The following NELL1 variants were observed in gnomAD, a reference collection of about 807,000 sequenced individuals.
NELL1 encodes protein kinase C-binding protein NELL1.
NELL1 carries 76 observed loss-of-function variants against 107.4 expected under a neutral mutation model. The observed-to-expected ratio is 0.71, with a 90% CI of 0.59 to 0.86. The LOEUF is 0.86. Ranked by LOEUF, NELL1 falls within the 40% of genes least tolerant of loss-of-function variation. The pLI is 0.00. For synonymous variants in NELL1, 353 were observed against 341.2 expected (o/e 1.03, Z -0.38); for missense variants, 1,024 against 1,005.5 (o/e 1.02, Z -0.25).
intron 15 of NELL1, among the ~76,000 whole-genome samples, chr11:21,415,245 A>G (rs115680872): frequency 2.0e-5 from 3 of 152,200 alleles, no homozygotes; most frequent in African/African-American, 7.2e-5. Context: ...GACCAGGGCC[A>G]TTAGAGAAAG....
At chr11:21,127,362 T>C (rs1855508838) in intron 13 of NELL1, among the ~76,000 whole-genome samples, 1 of 152,022 alleles carries the variant, frequency 6.6e-6, no homozygotes, top group Admixed American at 6.6e-5. Flanking sequence ...TTGGGTGGCC[T>C]AAGTGGGAGA....
chr11:21,223,209 T>C (rs1230617181), intron 13 of NELL1, among the ~76,000 whole-genome samples: 1 of 152,138 alleles, frequency 6.6e-6, no homozygotes, highest in South Asian at 2.1e-4. Context: ...TCTCTTCAGA[T>C]GTAGTAACAT....
chr11:20,830,682 CTCTTT>C (rs1857989809), intron 3 of NELL1, among the ~76,000 whole-genome samples: 1 of 152,194 alleles, frequency 6.6e-6, no homozygotes, highest in South Asian at 2.1e-4. Flanking sequence ...AAGAGGGGAA[CTCTTT>C]TCTTAAGAAT....
At chr11:20,932,119 G>A (rs1371039158) in intron 9 of NELL1, among the ~76,000 whole-genome samples, 2 of 152,020 alleles carry the variant, frequency 1.3e-5, no homozygotes, top group Admixed American at 1.3e-4. Context: ...CACTTGTTGG[G>A]TGTCTGCACT....
At chr11:21,175,693 A>G (rs578125291) in intron 13 of NELL1, among the ~76,000 whole-genome samples, 1 of 151,998 alleles carries the variant, frequency 6.6e-6, no homozygotes, top group South Asian at 2.1e-4. Flanking sequence ...CCGATGCTAC[A>G]GTATAGAAGA....
chr11:21,349,701 C>A (rs1850760237), intron 14 of NELL1, among the ~76,000 whole-genome samples: 1 of 151,730 alleles, frequency 6.6e-6, no homozygotes, highest in Non-Finnish European at 1.5e-5. Flanking sequence ...ATAGAGAGAC[C>A]TTTATATCTT....
intron 15 of NELL1, among the ~76,000 whole-genome samples, chr11:21,516,860 A>G (rs1855578849): frequency 6.6e-6 from 1 of 151,230 alleles, no homozygotes; most frequent in African/African-American, 2.4e-5. Context: ...GCTGAAGTGC[A>G]GTGGCATGAT....
chr11:21,376,332 A>G (rs1274094791), intron 15 of NELL1, among the ~76,000 whole-genome samples: 1 of 151,920 alleles, frequency 6.6e-6, no homozygotes, highest in Non-Finnish European at 1.5e-5. Flanking sequence ...TATTTTTGTC[A>G]ACTTTATTGA....
chr11:21,457,324 T>C (rs1853772122), intron 15 of NELL1, among the ~76,000 whole-genome samples: 1 of 152,212 alleles, frequency 6.6e-6, no homozygotes, highest in Admixed American at 6.5e-5. Flanking sequence ...CTTTGTAATC[T>C]AGAAGAAAAG....
intron 12 of NELL1, among the ~76,000 whole-genome samples, chr11:20,963,987 C>A (rs981843983): frequency 6.6e-6 from 1 of 152,026 alleles, no homozygotes; most frequent in East Asian, 1.9e-4. Context: ...TAGAAACTGC[C>A]GTAGAGAAGA....
chr11:20,849,697 G>A (rs1346690), intron 4 of NELL1, among the ~76,000 whole-genome samples: 103,820 of 151,986 alleles, frequency 0.68, 37,212 homozygotes, highest in Non-Finnish European at 0.82. Flanking sequence ...TTAATGATTC[G>A]TAGACTCTAA....
chr11:20,857,397 A>G (rs1040161007), intron 4 of NELL1, among the ~76,000 whole-genome samples: 5 of 152,064 alleles, frequency 3.3e-5, no homozygotes, highest in South Asian at 2.1e-4. Context: ...CTGGCATGAC[A>G]TTTGGCATAG....
At chr11:21,041,828 G>C (rs964584594) in intron 12 of NELL1, among the ~76,000 whole-genome samples, 12 of 152,212 alleles carry the variant, frequency 7.9e-5, no homozygotes, top group African/African-American at 2.4e-4. Flanking sequence ...CAAAACTACA[G>C]TCGAATACAA....
At chr11:20,934,839 G>A (rs1026998242) in intron 9 of NELL1, among the ~76,000 whole-genome samples, 6 of 152,120 alleles carry the variant, frequency 3.9e-5, no homozygotes, top group East Asian at 1.9e-4. Context: ...TAGGACCAAC[G>A]AGTCATGGTC....
intron 3 of NELL1, among the ~76,000 whole-genome samples, chr11:20,790,458 T>C (rs1254137010): frequency 6.6e-6 from 1 of 152,174 alleles, no homozygotes; most frequent in Non-Finnish European, 1.5e-5. Context: ...AGCCAGGCAG[T>C]AGGAGCAGGC....
intron 13 of NELL1, among the ~76,000 whole-genome samples, chr11:21,212,701 G>A (rs1414664205): frequency 6.6e-6 from 1 of 152,158 alleles, no homozygotes; most frequent in East Asian, 1.9e-4. Flanking sequence ...TCAGGGAACT[G>A]GAGCTCTACC....
At chr11:21,565,053 G>C (rs1402523321) in intron 17 of NELL1, among the ~76,000 whole-genome samples, 1 of 151,884 alleles carries the variant, frequency 6.6e-6, no homozygotes, top group Non-Finnish European at 1.5e-5. Flanking sequence ...TCTGTGCCTG[G>C]GGCCAGGATA....
At chr11:20,687,695 G>T (rs980777109) in intron 2 of NELL1, among the ~76,000 whole-genome samples, 2 of 151,738 alleles carry the variant, frequency 1.3e-5, no homozygotes, top group African/African-American at 4.8e-5. Context: ...GGGTTCAAGC[G>T]ATTCTCCTAC....
chr11:20,956,240 G>T (rs1274027732), intron 11 of NELL1, among the ~76,000 whole-genome samples: 1 of 151,628 alleles, frequency 6.6e-6, no homozygotes, highest in Non-Finnish European at 1.5e-5. Context: ...AAACAACCAT[G>T]GTCAATATGT....
Sources: gnomAD v4.1 joint callset for allele counts (sites outside exome capture counted in the v4.1 genomes callset) on GRCh38, gnomAD v4.1.1 for gene constraint, MANE v1.5 for transcripts, NCBI Gene and HGNC (gene_info 2026-07-23, HGNC 2026-07-21) for gene names.